ZNF521: variants seen among roughly 807,000 people sequenced by gnomAD.
ZNF521 encodes LYST-interacting protein 3.
ZNF521 carries 14 observed loss-of-function variants against 105.5 expected under a neutral mutation model. The observed-to-expected ratio is 0.13, with a 90% confidence interval of 0.09 to 0.21. The LOEUF is 0.21. ZNF521 is among the 10% of genes least tolerant of loss of function. The pLI is 1.00. For missense variants in ZNF521, 1,233 were observed against 1,629.7 expected (o/e 0.76, Z 4.19); for synonymous variants, 635 against 606.0 (o/e 1.05, Z -0.70).
chr18:25,160,858 G>C (rs914560198), intron 5 of ZNF521, among the ~76,000 whole-genome samples: 8 of 152,096 alleles, frequency 5.3e-5, no homozygotes, highest in African/African-American at 1.7e-4. Context: ...AGAGATGCTA[G>C]AGTAGATAAT....
chr18:25,246,139 G>A (rs1478879449), intron 3 of ZNF521, among the ~76,000 whole-genome samples: 3 of 152,122 alleles, frequency 2.0e-5, no homozygotes, highest in Non-Finnish European at 4.4e-5. Flanking sequence ...ACGAGTTAAT[G>A]GGTGCAGCAC....
intron 3 of ZNF521, among the ~76,000 whole-genome samples, chr18:25,307,504 C>A (rs184317100): frequency 2.0e-4 from 31 of 152,294 alleles, no homozygotes; most frequent in African/African-American, 7.5e-4. Flanking sequence ...AAATGCAGGC[C>A]AGAGAATCAA....
At chr18:25,253,870 G>T (rs1301401454) in intron 3 of ZNF521, among the ~76,000 whole-genome samples, 2 of 152,060 alleles carry the variant, frequency 1.3e-5, no homozygotes, top group Admixed American at 6.6e-5. Flanking sequence ...ATGTGGGGGG[G>T]AACTATTTGC....
At chr18:25,209,912 A>C (rs2036148685) in intron 4 of ZNF521, among the ~76,000 whole-genome samples, 1 of 152,046 alleles carries the variant, frequency 6.6e-6, no homozygotes. Flanking sequence ...ATTGCCTTTA[A>C]GTTTGATTTT....
In ZNF521 at chr18:25,226,114, T is replaced by A; in HGVS notation, c.1804A>T (p.Arg602Trp). ...ACAGGAGATAGGGGGCTTAAGGCCC[T>A]GGATTTCTTCCCATTGTGGATATAA... ...LNYIHNGKKS[R>W]ALSPLSPVAI... The change falls in exon 4 of 8, where the codon AGG becomes TGG. Residue 602 changes from arginine (R) to tryptophan (W), a missense_variant. Physicochemically the swap from Arg to Trp is moderately radical, Grantham distance 101. Coordinates refer to ENST00000361524, the MANE Select transcript of ZNF521 (RefSeq NM_015461.3). This position sits in a 1 kb window ranked among gnomAD's most constrained non-coding sequence, Gnocchi z 4.1. 1 of 1,614,216 alleles carries A rather than the reference T, an allele frequency of 6.2e-7. No individual in the cohort carries two copies. Among genetic ancestry groups the A allele is most frequent in the Non-Finnish European group, 8.5e-7 (1 of 1,180,030 alleles).
chr18:25,327,461 T>C, intron 2 of ZNF521: 1 of 1,168,436 alleles, frequency 8.6e-7, no homozygotes, highest in Non-Finnish European at 1.1e-6. Context: ...AAAAAGAAAA[T>C]CAGAGAGTAT....
At chr18:25,206,893 T>A (rs1019508657) in intron 4 of ZNF521, among the ~76,000 whole-genome samples, 2 of 152,170 alleles carry the variant, frequency 1.3e-5, no homozygotes, top group Non-Finnish European at 2.9e-5. Flanking sequence ...TTTGTACTCT[T>A]AGTAAATTTT....
At position 25,225,434 on chromosome 18, in the gene ZNF521, C is replaced by T. The variant is rs753512927; in HGVS notation, c.2484G>A (p.Leu828=). 5 of 1,614,190 alleles carry T rather than the reference C, an allele frequency of 3.1e-6. No homozygotes were observed. The South Asian group carries it at 5.5e-5, about 18-fold the overall frequency. ...FHAIILLEKH[L]REKHCVFETK... is the part of the protein sequence containing the mutation. ...TTTCGAATACACAGTGTTTTTCTCG[C>T]AAGTGTTTTTCTAACAAAATGATCG... is the stretch of plus-strand genomic sequence containing the variant. The change falls in exon 4 of 8, where the codon TTG becomes TTA. Residue 828 remains leucine, a synonymous_variant. Transcript: ENST00000361524. The surrounding 1 kb of genome is among the most constrained non-coding windows in gnomAD (Gnocchi z 5.6).
At chr18:25,204,039 G>C (rs1006486093) in intron 4 of ZNF521, among the ~76,000 whole-genome samples, 1 of 152,152 alleles carries the variant, frequency 6.6e-6, no homozygotes, top group Non-Finnish European at 1.5e-5. Flanking sequence ...CTTCCCATGG[G>C]AGATGCTTGC....
At chr18:25,123,892 C>T (rs78184816) in intron 5 of ZNF521, among the ~76,000 whole-genome samples, 2,465 of 152,218 alleles carry the variant, frequency 0.016, 27 homozygotes, top group Non-Finnish European at 0.027. Context: ...CCTTCTTTAA[C>T]CTTTTTGATA....
chr18:25,194,318 T>C (rs2035867519), intron 5 of ZNF521, among the ~76,000 whole-genome samples: 2 of 151,730 alleles, frequency 1.3e-5, no homozygotes, highest in Admixed American at 6.6e-5. Flanking sequence ...GTAACAAAAA[T>C]AGCATAAAGT....
rs560834325 is a variant in ZNF521, at chr18:25,243,597, T to C, written c.221-15900A>G. Among the ~76,000 whole-genome samples, 4 of 152,318 alleles carry C rather than the reference T, an allele frequency of 2.6e-5. No homozygotes were observed. In the East Asian group the frequency reaches 7.7e-4, roughly 29 times the overall value. On this transcript the variant is annotated intron_variant, in intron 3 of 7. Coordinates refer to ENST00000361524, the MANE Select transcript of ZNF521 (RefSeq NM_015461.3). ...TTTCTCACTCTTTCTAACTTTTCCATGATCACTTTTTAAATTCTAAGACAA... is the reference window on the plus strand; with the variant it reads ...TTTCTCACTCTTTCTAACTTTTCCACGATCACTTTTTAAATTCTAAGACAA...
intron 5 of ZNF521, among the ~76,000 whole-genome samples, chr18:25,185,816 G>A (rs943411754): frequency 2.0e-5 from 3 of 152,110 alleles, no homozygotes; most frequent in Admixed American, 6.6e-5. Context: ...GAGGTAGCAG[G>A]AAAAAGTTTT....
At chr18:25,220,417 C>T (rs1022235482) in intron 4 of ZNF521, among the ~76,000 whole-genome samples, 4 of 151,950 alleles carry the variant, frequency 2.6e-5, no homozygotes, top group Admixed American at 6.6e-5. Context: ...GTAGAAAAGA[C>T]GGGGATTCAA....
intron 5 of ZNF521, among the ~76,000 whole-genome samples, chr18:25,130,946 A>AAATCAATCAATC (rs56985443): frequency 5.3e-5 from 8 of 150,826 alleles, no homozygotes; most frequent in Non-Finnish European, 7.4e-5. Flanking sequence ...CTGTCTCTAA[A>AAATCAATCAATC]AATCAATCAA....
chr18:25,350,711 C>G (rs141387767), intron 2 of ZNF521, among the ~76,000 whole-genome samples, 196 bp downstream of exon 2: 154 of 151,630 alleles, frequency 1.0e-3, no homozygotes, highest in African/African-American at 3.6e-3. Flanking sequence ...ATCCTCCTCC[C>G]GTCTTCGTCT....
chr18:25,291,117 A>T (rs576303121), intron 3 of ZNF521, among the ~76,000 whole-genome samples: 1 of 152,302 alleles, frequency 6.6e-6, no homozygotes, highest in African/African-American at 2.4e-5. Flanking sequence ...AATTCTACCA[A>T]GATATAATTG....
intron 4 of ZNF521, among the ~76,000 whole-genome samples, chr18:25,197,859 T>C (rs2035928491): frequency 6.6e-6 from 1 of 151,860 alleles, no homozygotes; most frequent in East Asian, 1.9e-4. Context: ...TCCAGGTCAA[T>C]GTTTTAAGAA....
At chr18:25,187,945 A>AT (rs2035755065) in intron 5 of ZNF521, among the ~76,000 whole-genome samples, 1 of 152,120 alleles carries the variant, frequency 6.6e-6, no homozygotes, top group African/African-American at 2.4e-5. Context: ...AAAACGAGGC[A>AT]TTTTTCCTCA....
Sources: gnomAD v4.1 joint callset for allele counts (sites outside exome capture counted in the v4.1 genomes callset) on GRCh38, gnomAD v4.1.1 for gene constraint, Gnocchi (gnomAD v3.1) non-coding constraint, MANE v1.5 for transcripts, NCBI Gene and HGNC (gene_info 2026-07-23, HGNC 2026-07-21) for gene names.